ENO4: variants seen among roughly 807,000 people sequenced by gnomAD.
ENO4 encodes the protein 2-phospho-D-glycerate hydro-lyase.
Under a neutral mutation model 63.2 loss-of-function variants are expected in ENO4, and 53 were observed. That is an observed-to-expected ratio of 0.84 (90% confidence interval 0.67 to 1.05). The LOEUF (loss-of-function observed/expected upper bound fraction) is 1.05. Among genes scored for constraint, ENO4 ranks in the 50% least tolerant of loss-of-function variants. ENO4 has a pLI of 0.00. For synonymous variants in ENO4, 266 were observed against 283.8 expected (o/e 0.94, Z 0.63); for missense variants, 719 against 772.0 (o/e 0.93, Z 0.81).
At position 116,879,861 on chromosome 10, in the gene ENO4, CCT is replaced by C. The variant is rs1430226120; in HGVS notation, c.1606-7_1606-6del. The C allele has an allele frequency of 1.3e-4, 204 of 1,545,620 alleles. 1 individual carries two copies. Among genetic ancestry groups the C allele is most frequent in the Admixed American group, 5.2e-4 (26 of 49,992 alleles). On this transcript the variant is annotated splice_region_variant and splice_polypyrimidine_tract_variant and intron_variant, in intron 12 of 13. Transcript: ENST00000341276. ...TCCGTCTAAAATTAGTTTTTTCCCC[CCT>C]TTCAGGCTGTTGGGCTTGGTGTCCG...
intron 1 of ENO4, among the ~76,000 whole-genome samples, chr10:116,853,120 C>A (rs1023000772): frequency 4.0e-5 from 6 of 151,892 alleles, no homozygotes; most frequent in Non-Finnish European, 8.8e-5. Flanking sequence ...ACGGTGAAAC[C>A]CTGTCTCTAC....
At chr10:116,894,091 T>C (rs1353970899) in intron 10 of ENO4, among the ~76,000 whole-genome samples, 1 of 152,206 alleles carries the variant, frequency 6.6e-6, no homozygotes, top group Non-Finnish European at 1.5e-5. Context: ...TTAGATTTTT[T>C]TTCTTTCATG....
intron 11 of ENO4, 43 bp downstream of exon 11, chr10:116,876,303 T>A (rs778574996): frequency 7.0e-6 from 10 of 1,437,312 alleles, no homozygotes; most frequent in Non-Finnish European, 4.6e-6. Context: ...ATGACTTGGT[T>A]ATACAAGAAA....
At chr10:116,898,530 G>C (rs976786928) in intron 10 of ENO4, among the ~76,000 whole-genome samples, 3 of 152,094 alleles carry the variant, frequency 2.0e-5, no homozygotes, top group Non-Finnish European at 4.4e-5. Context: ...AAAGGGACAT[G>C]ATGAGCATAA....
chr10:116,862,293 G>A (rs1439076777), intron 6 of ENO4, among the ~76,000 whole-genome samples: 4 of 151,846 alleles, frequency 2.6e-5, no homozygotes, highest in African/African-American at 7.3e-5. Flanking sequence ...GCAAAACCCC[G>A]TCTCTACTAA....
chr10:116,902,716 G>A (rs1357650137), intron 10 of ENO4, among the ~76,000 whole-genome samples: 1 of 152,194 alleles, frequency 6.6e-6, no homozygotes, highest in Non-Finnish European at 1.5e-5. Flanking sequence ...TGAAACTTCA[G>A]AAGGAATGCT....
chr10:116,872,568 T>C (rs1846727884), intron 9 of ENO4, among the ~76,000 whole-genome samples: 1 of 152,210 alleles, frequency 6.6e-6, no homozygotes. Flanking sequence ...ACCATGATTG[T>C]GTGGCCTCCT....
chr10:116,875,561 T>TCACA lies in ENO4; in HGVS notation c.1342-481_1342-478dup, dbSNP rs56000218. Among the ~76,000 whole-genome samples, 88 of 148,006 alleles carry TCACA rather than the reference T, an allele frequency of 5.9e-4. 1 individual carries two copies. The highest frequency in any genetic ancestry group is 3.4e-3 in the East Asian group (17 of 5,010). On this transcript the variant is annotated intron_variant, in intron 10 of 13. Coordinates refer to ENST00000341276, the MANE Select transcript of ENO4 (RefSeq NM_001242699.2). ...GGTCTTGCCACATTGTCCAGGCTGGTCACACACACACACACACACACACAC... is the reference window on the plus strand; with the variant it reads ...GGTCTTGCCACATTGTCCAGGCTGGTCACACACACACACACACACACACACACAC...
chr10:116,907,768 AG>A (rs1462028497), intron 10 of ENO4: 1 of 443,568 alleles, frequency 2.3e-6, no homozygotes, highest in Non-Finnish European at 4.6e-6. Flanking sequence ...AGAGGACATA[AG>A]AACCTCAAGT....
At chr10:116,852,650 C>G (rs1564842556) in intron 1 of ENO4, among the ~76,000 whole-genome samples, 1 of 152,200 alleles carries the variant, frequency 6.6e-6, no homozygotes, top group East Asian at 1.9e-4. Flanking sequence ...AGCTTGTCCT[C>G]TTGGAATCTA....
intron 10 of ENO4, chr10:116,900,247 G>A (rs1419827103): frequency 2.7e-5 from 10 of 375,910 alleles, no homozygotes; most frequent in Non-Finnish European, 4.3e-5. Context: ...GCAGTCCACA[G>A]TATTTGTATT....
rs545146936 is a variant in ENO4 at position 116,897,215 on chromosome 10, A to C, written c.1195-14284A>C. Among the ~76,000 whole-genome samples, 4 of 152,346 alleles carry C rather than the reference A, an allele frequency of 2.6e-5. No homozygotes were observed. In the East Asian group the frequency reaches 7.7e-4, roughly 29 times the overall value. Reference sequence around the variant, plus strand: ...TGGCCCCTAAGAGTACTACTCTAAAAGATAACAGTTATTTTGATTTGGACT... The same window carrying C: ...TGGCCCCTAAGAGTACTACTCTAAACGATAACAGTTATTTTGATTTGGACT... On this transcript the variant is annotated intron_variant, in intron 10 of 10. Coordinates refer to the ENO4 transcript ENST00000369207.
chr10:116,893,995 A>G (rs1168619068), intron 10 of ENO4, among the ~76,000 whole-genome samples: 2 of 152,246 alleles, frequency 1.3e-5, no homozygotes, highest in Non-Finnish European at 2.9e-5. Context: ...TTAGTTTCAC[A>G]TCAGAAATAC....
In ENO4 at chr10:116,879,475, TC is replaced by T. The variant is rs1368225503; in HGVS notation, c.1605+119del. The T allele has an allele frequency of 1.2e-5, 9 of 741,276 alleles. No individual in the cohort carries two copies. The African/African-American group carries it at 1.2e-4, about 10-fold the overall frequency. 45.9% of individuals were successfully genotyped at this position (741,276 alleles called of 1,614,324 possible). On this transcript the variant is annotated intron_variant, in intron 12 of 13. Transcript: ENST00000341276. ...TAACCTTTTATGAAATAGACTTGCTTCCTCCCAGATAGCTACCTTTTGCAAA... is the reference window on the plus strand; with the variant it reads ...TAACCTTTTATGAAATAGACTTGCTTCTCCCAGATAGCTACCTTTTGCAAA...
intron 10 of ENO4, chr10:116,906,755 G>GAAAAC: frequency 6.3e-7 from 1 of 1,595,530 alleles, no homozygotes; most frequent in Non-Finnish European, 8.5e-7. Context: ...CCCCTAAAGT[G>GAAAAC]AAAACAAAAC....
At chr10:116,907,090 A>T (rs1212479295) in intron 10 of ENO4, among the ~76,000 whole-genome samples, 1 of 152,186 alleles carries the variant, frequency 6.6e-6, no homozygotes, top group Non-Finnish European at 1.5e-5. Flanking sequence ...GGAGAAGAGA[A>T]TTGATATATT....
chr10:116,899,688 G>A (rs888950902), intron 10 of ENO4, among the ~76,000 whole-genome samples: 1 of 152,160 alleles, frequency 6.6e-6, no homozygotes, highest in Admixed American at 6.5e-5. Flanking sequence ...TGTTGCCACA[G>A]ACAAAATAGA....
intron 10 of ENO4, among the ~76,000 whole-genome samples, chr10:116,897,861 G>A (rs146100183): frequency 4.7e-4 from 72 of 152,226 alleles, no homozygotes; most frequent in African/African-American, 1.6e-3. Context: ...TATGTGGACA[G>A]GCACCGGCTT....
chr10:116,891,914 C>T (rs948424763), intron 10 of ENO4, among the ~76,000 whole-genome samples: 5 of 151,964 alleles, frequency 3.3e-5, no homozygotes, highest in Non-Finnish European at 4.4e-5. Context: ...GCTCAAAGAA[C>T]GTATTAAGTT....
Sources: allele counts gnomAD v4.1 joint callset (sites outside exome capture counted in the v4.1 genomes callset), GRCh38; gene constraint gnomAD v4.1.1; transcripts MANE v1.5; gene names NCBI Gene and HGNC (gene_info 2026-07-23, HGNC 2026-07-21).